OTUD7A: variants seen among roughly 807,000 people sequenced by gnomAD.
OTUD7A encodes OTU deubiquitinase 7A.
OTUD7A carries 12 observed loss-of-function variants against 65.7 expected under a neutral mutation model. That is an observed-to-expected ratio of 0.18 (90% CI 0.12 to 0.30). The LOEUF (loss-of-function observed/expected upper bound fraction) is 0.30, where lower values mean the gene tolerates loss of function less well. Among genes scored for constraint, OTUD7A ranks in the 10% least tolerant of loss-of-function variants. The pLI is 1.00. For synonymous variants in OTUD7A, 641 were observed against 586.3 expected, an observed-to-expected ratio of 1.09 and a Z score of -1.35; for missense variants, 1,148 against 1,304.8, an observed-to-expected ratio of 0.88 and a Z score of 1.85.
intron 1 of OTUD7A, among the ~76,000 whole-genome samples, chr15:31,811,552 T>C (rs1232101260): frequency 2.6e-5 from 4 of 152,040 alleles, no homozygotes; most frequent in Non-Finnish European, 5.9e-5. Context: ...TATGTGTATG[T>C]GAGTGTGCGT....
chr15:31,486,048 C>T (rs1465972964), intron 12 of OTUD7A, among the ~76,000 whole-genome samples: 2 of 152,182 alleles, frequency 1.3e-5, no homozygotes, highest in African/African-American at 2.4e-5. Flanking sequence ...GCACTGAGAG[C>T]GGGCTCAGGA....
intron 10 of OTUD7A, among the ~76,000 whole-genome samples, chr15:31,490,203 C>A (rs1040558040): frequency 1.3e-5 from 2 of 152,232 alleles, no homozygotes; most frequent in Non-Finnish European, 2.9e-5. Context: ...CAGTGAGGAG[C>A]AGCCATGCAG....
intron 5 of OTUD7A, among the ~76,000 whole-genome samples, chr15:31,534,180 T>G (rs1263217985): frequency 6.6e-6 from 1 of 151,830 alleles, no homozygotes; most frequent in Non-Finnish European, 1.5e-5. Context: ...CATAAGAAAA[T>G]ACAAACAAGT....
At chr15:31,687,028 A>C (rs1892853473) in intron 1 of OTUD7A, among the ~76,000 whole-genome samples, 1 of 152,094 alleles carries the variant, frequency 6.6e-6, no homozygotes, top group Non-Finnish European at 1.5e-5. Context: ...TTCTTGGTAA[A>C]ATTTTCAAAA....
At chr15:31,737,435 A>C (rs1228561047) in intron 1 of OTUD7A, among the ~76,000 whole-genome samples, 1 of 152,222 alleles carries the variant, frequency 6.6e-6, no homozygotes, top group Non-Finnish European at 1.5e-5. Context: ...TGCCAATGCC[A>C]TATCATTTTC....
intron 1 of OTUD7A, among the ~76,000 whole-genome samples, chr15:31,848,192 G>A (rs1897332172): frequency 1.3e-5 from 2 of 152,188 alleles, no homozygotes; most frequent in Non-Finnish European, 2.9e-5. Context: ...GCTGAGCAAG[G>A]AAAGGCAGGG....
chr15:31,654,192 T>C (rs1453954380), intron 3 of OTUD7A, among the ~76,000 whole-genome samples: 5 of 98,664 alleles, frequency 5.1e-5, no homozygotes, highest in African/African-American at 2.0e-4. Context: ...AATCATATTT[T>C]GATTTCCATA....
intron 3 of OTUD7A, among the ~76,000 whole-genome samples, chr15:31,580,450 C>CAG (rs938662235): frequency 3.3e-5 from 5 of 152,156 alleles, no homozygotes; most frequent in African/African-American, 1.2e-4. Flanking sequence ...GGTTGCATAG[C>CAG]AGAGACTGCA....
Position 31,550,540 on chromosome 15 carries a change from A to C in OTUD7A, c.550+8429T>G, listed in dbSNP as rs1165595380. Among the ~76,000 whole-genome samples, 11 of 152,274 alleles carry C rather than the reference A, an allele frequency of 7.2e-5. No homozygotes were observed. In the East Asian group the frequency reaches 2.1e-3, roughly 29 times the overall value. ...GAACCTCAGTCATTCAGCTGCAAGG[A>C]ACTAAATTCTGCCAACCGCAGGGAA... On this transcript the variant is annotated intron_variant, in intron 5 of 12. Coordinates refer to ENST00000307050, the MANE Select transcript of OTUD7A (RefSeq NM_001382637.1).
At chr15:31,558,270 T>C (rs1004903061) in intron 5 of OTUD7A, 5 of 152,300 alleles carry the variant, frequency 3.3e-5, no homozygotes, top group African/African-American at 1.2e-4. Context: ...TAAATCTGTT[T>C]TAGACATTTG....
chr15:31,730,267 C>T (rs1734420702), intron 1 of OTUD7A, among the ~76,000 whole-genome samples: 1 of 152,182 alleles, frequency 6.6e-6, no homozygotes, highest in African/African-American at 2.4e-5. Context: ...TTAAGCCACC[C>T]AGGCTACAGT....
intron 1 of OTUD7A, among the ~76,000 whole-genome samples, chr15:31,768,458 A>G (rs1895146079): frequency 6.6e-6 from 1 of 152,160 alleles, no homozygotes. Flanking sequence ...CAGGAGTTTG[A>G]GACCAGCCTG....
chr15:31,692,798 G>A (rs1195969951), intron 1 of OTUD7A, among the ~76,000 whole-genome samples: 17 of 151,116 alleles, frequency 1.1e-4, no homozygotes, highest in East Asian at 3.9e-4. Flanking sequence ...TTTGACCCAG[G>A]GGTCCTGTCT....
chr15:31,808,315 T>TG (rs1195354745), intron 1 of OTUD7A, among the ~76,000 whole-genome samples: 1 of 152,186 alleles, frequency 6.6e-6, no homozygotes, highest in Non-Finnish European at 1.5e-5. Flanking sequence ...TATGGAGCGC[T>TG]GGGCTTCTTG....
intron 1 of OTUD7A, among the ~76,000 whole-genome samples, chr15:31,748,404 A>G (rs962556736): frequency 1.9e-4 from 29 of 151,320 alleles, no homozygotes; most frequent in African/African-American, 7.0e-4. Context: ...CATAACTATT[A>G]TATATATTTT....
intron 1 of OTUD7A, among the ~76,000 whole-genome samples, chr15:31,800,062 T>C (rs897132444): frequency 4.6e-5 from 7 of 151,990 alleles, no homozygotes; most frequent in Non-Finnish European, 5.9e-5. Flanking sequence ...TGGCATAAGG[T>C]TGTGACTCAG....
chr15:31,796,485 T>A (rs1895965467), intron 1 of OTUD7A, among the ~76,000 whole-genome samples: 1 of 152,208 alleles, frequency 6.6e-6, no homozygotes, highest in African/African-American at 2.4e-5. Context: ...GCAATCAGTT[T>A]TATTCAGTCT....
rs1891667285 is a variant in OTUD7A at position 31,646,420 on chromosome 15, T to C, written c.151+8676A>G. On this transcript the variant is annotated intron_variant, in intron 3 of 12. Coordinates refer to ENST00000307050, the MANE Select transcript of OTUD7A (RefSeq NM_001382637.1). The stretch of plus-strand genomic sequence containing the variant: ...TCTTTCTCTCTTTCTCTCTCTCTCT[T>C]CCTTTCCTTTCCCTTTCTTTCCTTC... 1.3e-5 allele frequency among the ~76,000 whole-genome samples: 2 copies of C among 151,240 alleles called. 1 individual carries two copies. The highest frequency in any genetic ancestry group is 4.2e-4 in the South Asian group (2 of 4,786).
At chr15:31,792,054 CCTT>C (rs1184367060) in intron 1 of OTUD7A, among the ~76,000 whole-genome samples, 3 of 152,140 alleles carry the variant, frequency 2.0e-5, no homozygotes, top group African/African-American at 7.2e-5. Flanking sequence ...TCTCCCACTT[CCTT>C]CTTCTCAGCA....
Sources: gnomAD v4.1 joint callset for allele counts (sites outside exome capture counted in the v4.1 genomes callset) on GRCh38, gnomAD v4.1.1 for gene constraint, MANE v1.5 for transcripts, NCBI Gene and HGNC (gene_info 2026-07-23, HGNC 2026-07-21) for gene names.